The following EEA1 variants were observed in gnomAD, a reference collection of about 807,000 sequenced individuals.
The protein encoded by EEA1 is early endosome antigen 1, 162kD.
EEA1 carries 111 observed loss-of-function variants against 209.2 expected under a neutral mutation model. The ratio of observed to expected loss-of-function variants is 0.53; its 90% CI spans 0.45 to 0.62. EEA1 has a LOEUF of 0.62. EEA1 is among the 20% of genes least tolerant of loss of function. The probability of loss-of-function intolerance (pLI) is 0.00; values close to 1 mark genes in which losing one functional copy is unlikely to be tolerated. For missense variants in EEA1, 1,343 were observed against 1,530.8 expected, an observed-to-expected ratio of 0.88 and a Z score of 2.05; for synonymous variants, 536 against 540.6, an observed-to-expected ratio of 0.99 and a Z score of 0.12.
chr12:92,855,467 A>G (rs1398592207), intron 5 of EEA1, among the ~76,000 whole-genome samples: 4 of 134,222 alleles, frequency 3.0e-5, no homozygotes, highest in Non-Finnish European at 4.9e-5. Context: ...TCAAACTATC[A>G]CTACTAAAAA....
intron 10 of EEA1, among the ~76,000 whole-genome samples, chr12:92,836,240 C>T (rs911340776): frequency 6.6e-6 from 1 of 152,106 alleles, no homozygotes; most frequent in African/African-American, 2.4e-5. Flanking sequence ...TCAATTTGTA[C>T]TCCCTAAAAT....
intron 5 of EEA1, among the ~76,000 whole-genome samples, chr12:92,856,767 CTTT>C (rs57579359): frequency 1.2e-5 from 1 of 86,672 alleles, no homozygotes. Flanking sequence ...ATACCTGATT[CTTT>C]TTTTTTTTTT....
intron 2 of EEA1, among the ~76,000 whole-genome samples, chr12:92,877,619 T>TG (rs1878967679): frequency 6.6e-6 from 1 of 152,060 alleles, no homozygotes; most frequent in South Asian, 2.1e-4. Flanking sequence ...ACCTCCACCT[T>TG]CTGGGTTCAA....
chr12:92,857,119 C>T (rs1877915984), intron 5 of EEA1, among the ~76,000 whole-genome samples, 156 bp downstream of exon 5: 1 of 151,904 alleles, frequency 6.6e-6, no homozygotes, highest in South Asian at 2.1e-4. Context: ...ACTCCTCATA[C>T]ATTTGTTTGC....
chr12:92,898,954 GAAA>G (rs80168486), intron 1 of EEA1, among the ~76,000 whole-genome samples: 15 of 129,166 alleles, frequency 1.2e-4, no homozygotes, highest in Admixed American at 1.6e-4. Flanking sequence ...ACTCATGAGT[GAAA>G]AAAAAAAAAA....
At chr12:92,826,734 AAAG>A (rs1013764590) in intron 12 of EEA1, among the ~76,000 whole-genome samples, 10 of 150,246 alleles carry the variant, frequency 6.7e-5, no homozygotes, top group African/African-American at 1.9e-4. Flanking sequence ...AAAAAAAAGA[AAAG>A]AAAAAAAGCA....
chr12:92,777,479 T>C lies in EEA1; in HGVS notation c.4014+64A>G. The C allele has an allele frequency of 1.1e-5, 17 of 1,510,550 alleles. No individual in the cohort carries two copies. The South Asian group carries it at 2.3e-4, about 20-fold the overall frequency. The allele number at this position is 1,510,550 out of a possible 1,614,324, so 93.6% of individuals were successfully genotyped here. On this transcript the variant is annotated intron_variant, in intron 27 of 28. Coordinates refer to ENST00000322349, the MANE Select transcript of EEA1 (RefSeq NM_003566.4). ...CATGAGATTTTTTAAAAGGTAAAAA[T>C]ATGCTTTTCACTAATAAGCCAATTC...
Position 92,813,755 on chromosome 12 carries a change from C to T in EEA1, c.1930-662G>A, listed in dbSNP as rs142670806. On this transcript the variant is annotated intron_variant, in intron 15 of 28. Transcript: ENST00000322349. Reference sequence around the variant, plus strand: ...ATAGGCCAAGTGCGGTGGCTCACACCTGTAATCCCAGCACTTTGGGAGGCC... The same window carrying T: ...ATAGGCCAAGTGCGGTGGCTCACACTTGTAATCCCAGCACTTTGGGAGGCC... Among the ~76,000 whole-genome samples, 588 of 152,276 alleles carry T rather than the reference C, an allele frequency of 3.9e-3. 2 individuals are homozygous for T. Among genetic ancestry groups the T allele is most frequent in the Non-Finnish European group, 6.8e-3 (460 of 68,012 alleles).
chr12:92,868,400 A>G (rs997520115), intron 2 of EEA1, among the ~76,000 whole-genome samples: 1 of 152,238 alleles, frequency 6.6e-6, no homozygotes, highest in Non-Finnish European at 1.5e-5. Flanking sequence ...ACTTCTGCTA[A>G]TAACTAGAAA....
chr12:92,847,616 C>T (rs1190798615), intron 9 of EEA1, among the ~76,000 whole-genome samples: 2 of 151,982 alleles, frequency 1.3e-5, no homozygotes, highest in Non-Finnish European at 2.9e-5. Context: ...AAGTAATTAA[C>T]AATAAGTTTT....
At chr12:92,916,078 A>C (rs1168340060) in intron 1 of EEA1, among the ~76,000 whole-genome samples, 1 of 152,196 alleles carries the variant, frequency 6.6e-6, no homozygotes, top group East Asian at 1.9e-4. Context: ...AAGTATTATT[A>C]AGTGAAATAA....
At chr12:92,907,533 C>T (rs1367929786) in intron 1 of EEA1, among the ~76,000 whole-genome samples, 3 of 152,146 alleles carry the variant, frequency 2.0e-5, no homozygotes, top group Non-Finnish European at 4.4e-5. Flanking sequence ...ATCTATCCCC[C>T]TTTCTCCATC....
intron 2 of EEA1, among the ~76,000 whole-genome samples, chr12:92,885,507 T>C (rs1299795007): frequency 1.3e-5 from 2 of 152,156 alleles, no homozygotes; most frequent in Admixed American, 1.3e-4. Context: ...CAATTTCCCC[T>C]GAGAATCCAT....
At chr12:92,890,919 G>A in intron 2 of EEA1, among the ~76,000 whole-genome samples, 1 of 152,088 alleles carries the variant, frequency 6.6e-6, no homozygotes, top group East Asian at 1.9e-4. Flanking sequence ...GAGGATAGCA[G>A]AGAAAAAAAG....
At chr12:92,819,271 G>T in intron 14 of EEA1, 37 bp downstream of exon 14, 1 of 1,502,784 alleles carries the variant, frequency 6.7e-7, no homozygotes, top group Non-Finnish European at 9.0e-7. Context: ...AGAGACAGAA[G>T]TAAATTTTAC....
chr12:92,779,620 C>G (rs780127485), intron 24 of EEA1, among the ~76,000 whole-genome samples: 7 of 151,988 alleles, frequency 4.6e-5, no homozygotes, highest in Non-Finnish European at 8.8e-5. Context: ...CACTGAGTTA[C>G]GTTCTGGGGA....
intron 2 of EEA1, among the ~76,000 whole-genome samples, chr12:92,872,673 C>T (rs1399027311): frequency 1.3e-5 from 2 of 152,182 alleles, no homozygotes; most frequent in Non-Finnish European, 2.9e-5. Context: ...GGATGAGGGG[C>T]TGGGCATGGT....
Position 92,802,734 on chromosome 12 carries a change from T to C in EEA1, c.2340A>G (p.Ile780Met), listed in dbSNP as rs1326304233. The C allele has an allele frequency of 6.5e-7, 1 of 1,537,536 alleles. No individual in the cohort carries two copies. ...LSKQLEMEKEIVSSTRLDLQK... is the reference protein window; with the variant it reads ...LSKQLEMEKEMVSSTRLDLQK... ...GTAGATCCAATCTTGTACTGGATACTCTAAATATTTAAAAAACAATCTTTT... is the reference window on the plus strand; with the variant it reads ...GTAGATCCAATCTTGTACTGGATACCCTAAATATTTAAAAAACAATCTTTT... Residue 780 changes from isoleucine to methionine, a missense_variant and splice_region_variant, in exon 19 of 29, where the codon ATA becomes ATG. This residue lies in a region of EEA1 where 1,307 missense variants were observed against 1,465.5 expected (regional missense o/e 0.89). Coordinates refer to ENST00000322349, the MANE Select transcript of EEA1 (RefSeq NM_003566.4).
At chr12:92,842,644 G>C in intron 9 of EEA1, 63 bp from the exon 10 acceptor site, 1 of 1,002,376 alleles carries the variant, frequency 1.0e-6, no homozygotes, top group Non-Finnish European at 1.5e-6. Context: ...TAAAAAAAAT[G>C]AAAGTATATA....
Sources: gnomAD v4.1 joint callset for allele counts (sites outside exome capture counted in the v4.1 genomes callset) on GRCh38, gnomAD v4.1.1 for gene constraint, gnomAD v4.1.1 regional missense constraint, MANE v1.5 for transcripts, NCBI Gene and HGNC (gene_info 2026-07-23, HGNC 2026-07-21) for gene names.